Variants in TPRG1 observed in about 807,000 individuals in gnomAD.
The protein encoded by TPRG1 is tumor protein p63 regulated 1.
TPRG1 carries 29 observed loss-of-function variants against 29.3 expected under a neutral mutation model. The observed-to-expected ratio is 0.99, with a 90% confidence interval of 0.74 to 1.35. The LOEUF is 1.35. TPRG1 is among the 40% of genes most tolerant of loss of function. The pLI, the probability that TPRG1 is intolerant of heterozygous loss-of-function variation, is 0.00. For synonymous variants in TPRG1, 130 were observed against 116.8 expected, an observed-to-expected ratio of 1.11 and a Z score of -0.73; for missense variants, 327 against 335.0, an observed-to-expected ratio of 0.98 and a Z score of 0.19.
At chr3:189,256,824 C>A (rs1711988282) in intron 4 of TPRG1, among the ~76,000 whole-genome samples, 1 of 152,094 alleles carries the variant, frequency 6.6e-6, no homozygotes, top group African/African-American at 2.4e-5. Flanking sequence ...ACTAGGATTG[C>A]AACCGCTGCT....
At chr3:189,201,745 G>C (rs1366712442) in intron 1 of TPRG1, among the ~76,000 whole-genome samples, 1 of 152,030 alleles carries the variant, frequency 6.6e-6, no homozygotes, top group Non-Finnish European at 1.5e-5. Flanking sequence ...CGCCTCCCAG[G>C]TTCAAGCAAT....
At chr3:189,141,910 G>T (rs1022830227) in intron 3 of TPRG1, among the ~76,000 whole-genome samples, 1 of 152,120 alleles carries the variant, frequency 6.6e-6, no homozygotes, top group African/African-American at 2.4e-5. Context: ...GGATATGAAG[G>T]ATTTCTCCTC....
intron 4 of TPRG1, among the ~76,000 whole-genome samples, chr3:189,088,572 G>A (rs543511937): frequency 4.6e-5 from 7 of 152,112 alleles, no homozygotes; most frequent in Non-Finnish European, 7.4e-5. Context: ...CTCAAATGTC[G>A]GGGTTACTTC....
chr3:189,092,300 C>T (rs1718386243), intron 4 of TPRG1, among the ~76,000 whole-genome samples: 3 of 152,238 alleles, frequency 2.0e-5, no homozygotes, highest in South Asian at 2.1e-4. Flanking sequence ...TGAGATTCTG[C>T]GCCTCTAACA....
intron 4 of TPRG1, among the ~76,000 whole-genome samples, chr3:189,057,131 A>G (rs976280518): frequency 1.3e-5 from 2 of 152,214 alleles, no homozygotes; most frequent in African/African-American, 4.8e-5. Flanking sequence ...CTGGGAACAC[A>G]GCACAGGCTG....
intron 4 of TPRG1, among the ~76,000 whole-genome samples, chr3:189,048,371 T>A (rs1289092916): frequency 1.3e-5 from 2 of 152,126 alleles, no homozygotes; most frequent in Non-Finnish European, 2.9e-5. Context: ...TCAATCAGGC[T>A]TTTTGTTCTA....
intron 1 of TPRG1, among the ~76,000 whole-genome samples, chr3:189,206,045 T>TTCC (rs1216302315): frequency 1.1e-4 from 16 of 150,300 alleles, no homozygotes; most frequent in African/African-American, 2.2e-4. Flanking sequence ...CCTTCCTTCC[T>TTCC]TTCTTCTGTC....
upstream of TPRG1, among the ~76,000 whole-genome samples, chr3:189,168,788 T>G (rs1438962361): frequency 6.6e-6 from 1 of 152,188 alleles, no homozygotes; most frequent in Non-Finnish European, 1.5e-5. Flanking sequence ...GGAGTTGGGA[T>G]ATGGGATTCT....
upstream of TPRG1, among the ~76,000 whole-genome samples, chr3:189,099,101 G>A (rs1022830968): frequency 7.2e-5 from 11 of 152,186 alleles, no homozygotes; most frequent in African/African-American, 2.4e-4. Context: ...GGCCGGCAGT[G>A]GAAAACCAGT....
chr3:189,076,942 A>ATATATATATG lies in TPRG1; in HGVS notation c.-462-50115_-462-50114insTATATATATG, dbSNP rs199941065. 2.4e-3 allele frequency among the ~76,000 whole-genome samples: 367 copies of ATATATATATG among 151,298 alleles called. 4 individuals carry two copies. Among genetic ancestry groups the ATATATATATG allele is most frequent in the African/African-American group, 8.0e-3 (326 of 40,760 alleles). On this transcript the variant is annotated intron_variant, in intron 4 of 10. Coordinates refer to the TPRG1 transcript ENST00000433971. The stretch of plus-strand genomic sequence containing the variant: ...TGTGTACATATATATATATATATAT[A>ATATATATATG]GCCAATAAGCACATGAGAAAGTGCT...
At chr3:189,217,011 C>G (rs565609377) in intron 3 of TPRG1, among the ~76,000 whole-genome samples, 2 of 152,304 alleles carry the variant, frequency 1.3e-5, no homozygotes, top group Admixed American at 6.5e-5. Context: ...GTTGAGTTCT[C>G]AGATAATAGA....
chr3:189,151,047 A>G, intron 5 of TPRG1: 1 of 152,198 alleles, frequency 6.6e-6, no homozygotes, highest in South Asian at 2.1e-4. Flanking sequence ...TGGTTTTGTC[A>G]CAGGTACCCC....
At chr3:189,163,830 C>A (rs984481921) in intron 5 of TPRG1, among the ~76,000 whole-genome samples, 1 of 152,026 alleles carries the variant, frequency 6.6e-6, no homozygotes, top group African/African-American at 2.4e-5. Context: ...TTGGCTCTAC[C>A]CTCTTGGCTC....
chr3:189,310,298 A>G, intron 4 of TPRG1, 88 bp from the exon 5 acceptor site: 1 of 1,177,878 alleles, frequency 8.5e-7, no homozygotes, highest in Non-Finnish European at 1.1e-6. Flanking sequence ...TTGGGAGTTA[A>G]TATGAAGGCT....
In TPRG1 at chr3:189,320,720, C is replaced by G. The variant is rs747958273; in HGVS notation, c.728C>G (p.Thr243Ser). The G allele has an allele frequency of 6.3e-7, 1 of 1,592,298 alleles. No individual in the cohort carries two copies. The highest frequency in any genetic ancestry group is 2.3e-5 in the East Asian group (1 of 43,662). ...SGRGKKLMVL[T>S]EPILIETYTG... Reference sequence around the variant, plus strand: ...AGAGGAAAGAAACTGATGGTGTTAACTGAACCCATTTTGATTGAGACCTAC... The same window carrying G: ...AGAGGAAAGAAACTGATGGTGTTAAGTGAACCCATTTTGATTGAGACCTAC... The change falls in exon 6 of 6, where the codon ACT becomes AGT. Residue 243 changes from threonine to serine, a missense_variant. Transcript: ENST00000345063.
chr3:189,264,369 C>T (rs1272174025), intron 4 of TPRG1, among the ~76,000 whole-genome samples: 1 of 152,114 alleles, frequency 6.6e-6, no homozygotes, highest in African/African-American at 2.4e-5. Flanking sequence ...TTTATAGACC[C>T]AAGGGAAGGA....
chr3:189,010,196 G>C (rs1578187011), intron 3 of TPRG1, among the ~76,000 whole-genome samples: 1 of 152,092 alleles, frequency 6.6e-6, no homozygotes, highest in South Asian at 2.1e-4. Context: ...GTCTATCACT[G>C]ATGGACATTT....
At chr3:189,031,287 T>C (rs1453483899) in intron 4 of TPRG1, among the ~76,000 whole-genome samples, 3 of 38,318 alleles carry the variant, frequency 7.8e-5, no homozygotes, top group East Asian at 1.5e-3. Flanking sequence ...CGAGACTCTG[T>C]CTTAAAAAAA....
chr3:189,218,116 C>T, intron 3 of TPRG1: 1 of 862,228 alleles, frequency 1.2e-6, no homozygotes, highest in East Asian at 1.2e-4. Flanking sequence ...ACACAAGATT[C>T]TCTCTTTTTT....
Sources: gnomAD v4.1 joint callset for allele counts (sites outside exome capture counted in the v4.1 genomes callset) on GRCh38, gnomAD v4.1.1 for gene constraint, MANE v1.5 for transcripts, NCBI Gene and HGNC (gene_info 2026-07-23, HGNC 2026-07-21) for gene names.